TMEM132D: variants seen among roughly 807,000 people sequenced by gnomAD.
The protein encoded by TMEM132D is mature OL transmembrane protein.
Under a neutral mutation model 62.3 loss-of-function variants are expected in TMEM132D, and 21 were observed. That is an observed-to-expected ratio of 0.34 (90% CI 0.24 to 0.49). The LOEUF (loss-of-function observed/expected upper bound fraction) is 0.49, where lower values mean the gene tolerates loss of function less well. Among genes scored for constraint, TMEM132D ranks in the 20% least tolerant of loss-of-function variants. The pLI, the probability that TMEM132D is intolerant of heterozygous loss-of-function variation, is 0.99. For missense variants in TMEM132D, 1,346 were observed against 1,402.8 expected (o/e 0.96, Z 0.65); for synonymous variants, 621 against 575.6 (o/e 1.08, Z -1.13).
At chr12:129,610,721 GTAAT>G (rs1318606248) in intron 2 of TMEM132D, among the ~76,000 whole-genome samples, 1 of 151,148 alleles carries the variant, frequency 6.6e-6, no homozygotes, top group Non-Finnish European at 1.5e-5. Flanking sequence ...AAGCAAGTAA[GTAAT>G]TGATGATGTT....
At chr12:129,787,299 G>A (rs1033892705) in intron 1 of TMEM132D, among the ~76,000 whole-genome samples, 2 of 152,158 alleles carry the variant, frequency 1.3e-5, no homozygotes, top group Non-Finnish European at 2.9e-5. Flanking sequence ...AGATAGGAAG[G>A]AGAGAAGGAA....
chr12:129,503,884 C>T (rs12297908), intron 3 of TMEM132D, among the ~76,000 whole-genome samples: 1,734 of 152,196 alleles, frequency 0.011, 28 homozygotes, highest in African/African-American at 0.04. Flanking sequence ...TCATCTTCTT[C>T]TTATCACCAT....
Position 129,230,307 on chromosome 12 carries a change from A to AGCG in TMEM132D, c.1300-20645_1300-20644insCGC, listed in dbSNP as rs539387773. Among the ~76,000 whole-genome samples the AGCG allele has an allele frequency of 6.4e-5, 9 of 140,642 alleles. No individual in the cohort carries two copies. The South Asian group carries it at 1.9e-3, about 30-fold the overall frequency. The allele number at this position is 140,642 out of a possible 152,430, so 92.3% of individuals were successfully genotyped here. A position where few individuals can be genotyped will look rare whatever the true frequency, so the allele number is the denominator to read the frequency against. On this transcript the variant is annotated intron_variant, in intron 4 of 8. Transcript: ENST00000422113. ...CCTTCCTAAACTCCTTCTGTGTTGGAGGGGGGGGGCTCCCCAGCCTGGCCA... is the reference window on the plus strand; with the variant it reads ...CCTTCCTAAACTCCTTCTGTGTTGGAGCGGGGGGGGGGCTCCCCAGCCTGGCCA...
chr12:129,092,303 C>CTTTTTTTT (rs3045890), intron 5 of TMEM132D, among the ~76,000 whole-genome samples: 5 of 133,904 alleles, frequency 3.7e-5, no homozygotes, highest in African/African-American at 5.6e-5. Context: ...TCTCTCTTTC[C>CTTTTTTTT]TTTTTTTTTT....
intron 5 of TMEM132D, among the ~76,000 whole-genome samples, chr12:129,180,072 G>GCTGCTGTCATAAATGGCAGAAT (rs1315172010): frequency 6.6e-6 from 1 of 151,856 alleles, no homozygotes; most frequent in Non-Finnish European, 1.5e-5. Context: ...GGAGGTCAGA[G>GCTGCTGTCATAAATGGCAGAAT]CTGCTGTCAT....
chr12:129,229,857 T>C (rs1218902878), intron 4 of TMEM132D, among the ~76,000 whole-genome samples: 3 of 152,328 alleles, frequency 2.0e-5, no homozygotes, highest in African/African-American at 7.2e-5. Flanking sequence ...TTATCTGTGC[T>C]GATGAGGGTG....
intron 1 of TMEM132D, among the ~76,000 whole-genome samples, chr12:129,876,231 C>T (rs138597482): frequency 2.0e-4 from 31 of 152,296 alleles, no homozygotes; most frequent in African/African-American, 7.5e-4. Flanking sequence ...CATTCCAAAT[C>T]CAATTATCTG....
At chr12:129,860,038 G>T (rs1014079371) in intron 1 of TMEM132D, among the ~76,000 whole-genome samples, 2 of 152,118 alleles carry the variant, frequency 1.3e-5, no homozygotes, top group Non-Finnish European at 2.9e-5. Flanking sequence ...ACATAAAAAT[G>T]TGCATTTATA....
intron 2 of TMEM132D, among the ~76,000 whole-genome samples, chr12:129,568,093 T>C (rs1402584905): frequency 6.6e-6 from 1 of 152,196 alleles, no homozygotes; most frequent in Non-Finnish European, 1.5e-5. Flanking sequence ...GAGCTCTAAG[T>C]GGGGAGATGG....
In TMEM132D at chr12:129,146,528, C is replaced by G. The variant is rs1876904014; in HGVS notation, c.1444-61826G>C. 2.0e-5 allele frequency among the ~76,000 whole-genome samples: 3 copies of G among 152,192 alleles called. No individual in the cohort carries two copies. The South Asian group carries it at 6.2e-4, about 32-fold the overall frequency. ...GTCACCCAAATATAATCCACACACA[C>G]TACACAGTAACAAATAATAGAAACT... is the stretch of plus-strand genomic sequence containing the variant. On this transcript the variant is annotated intron_variant, in intron 5 of 8. Transcript: ENST00000422113.
At chr12:129,485,743 T>G (rs1593032746) in intron 3 of TMEM132D, among the ~76,000 whole-genome samples, 1 of 152,324 alleles carries the variant, frequency 6.6e-6, no homozygotes, top group South Asian at 2.1e-4. Flanking sequence ...CCGAGGCTGG[T>G]TCTTCTGGGG....
chr12:129,367,421 A>G (rs1001507625), intron 3 of TMEM132D, among the ~76,000 whole-genome samples: 1 of 152,048 alleles, frequency 6.6e-6, no homozygotes, highest in Non-Finnish European at 1.5e-5. Context: ...CCCCTCCCTG[A>G]TGCATGTGCC....
intron 3 of TMEM132D, among the ~76,000 whole-genome samples, chr12:129,423,033 G>A (rs939222570): frequency 1.3e-5 from 2 of 151,650 alleles, no homozygotes; most frequent in African/African-American, 4.8e-5. Context: ...TGCCTCATCA[G>A]AGAAAGCACA....
intron 5 of TMEM132D, among the ~76,000 whole-genome samples, chr12:129,156,939 C>T (rs955063758): frequency 6.6e-6 from 1 of 152,168 alleles, no homozygotes; most frequent in Non-Finnish European, 1.5e-5. Flanking sequence ...TAACCCACTC[C>T]TGTGATAACT....
chr12:129,539,987 G>C (rs988329372), intron 2 of TMEM132D, among the ~76,000 whole-genome samples: 4 of 152,128 alleles, frequency 2.6e-5, no homozygotes, highest in African/African-American at 9.7e-5. Context: ...CTGGCTGATG[G>C]CTTTGGGGAC....
intron 1 of TMEM132D, among the ~76,000 whole-genome samples, chr12:129,799,346 G>GTA (rs968444867): frequency 6.6e-5 from 9 of 135,904 alleles, no homozygotes; most frequent in African/African-American, 2.2e-4. Flanking sequence ...ATATATATGT[G>GTA]TATATATGTG....
chr12:129,106,214 C>T (rs1407517716), intron 5 of TMEM132D, among the ~76,000 whole-genome samples: 1 of 145,250 alleles, frequency 6.9e-6, no homozygotes, highest in African/African-American at 2.6e-5. Context: ...GGGAATTGAA[C>T]AATGAGAACA....
rs1874106468 is a variant in TMEM132D at position 129,867,921 on chromosome 12, A to G, written c.79+35340T>C. Among the ~76,000 whole-genome samples the G allele has an allele frequency of 6.6e-6, 1 of 152,270 alleles. No individual in the cohort carries two copies. Among genetic ancestry groups the G allele is most frequent in the Admixed American group, 6.5e-5 (1 of 15,288 alleles). On this transcript the variant is annotated intron_variant, in intron 1 of 8. Coordinates refer to ENST00000422113, the MANE Select transcript of TMEM132D (RefSeq NM_133448.3). This position sits in a 1 kb window ranked among gnomAD's most constrained non-coding sequence, Gnocchi z 4.5. ...TGGAAATGTCTGTGTCTCTACTAAGACAGCGTTTCTATGGTACACACGAGG... is the reference window on the plus strand; with the variant it reads ...TGGAAATGTCTGTGTCTCTACTAAGGCAGCGTTTCTATGGTACACACGAGG...
At chr12:129,620,668 G>A (rs1375680788) in intron 2 of TMEM132D, among the ~76,000 whole-genome samples, 1 of 152,178 alleles carries the variant, frequency 6.6e-6, no homozygotes. Context: ...CATGTCCTTT[G>A]CAGGGACATG....
Sources: gnomAD v4.1 joint callset for allele counts (sites outside exome capture counted in the v4.1 genomes callset) on GRCh38, gnomAD v4.1.1 for gene constraint, Gnocchi (gnomAD v3.1) non-coding constraint, MANE v1.5 for transcripts, NCBI Gene and HGNC (gene_info 2026-07-23, HGNC 2026-07-21) for gene names.